Variants in TAB2 observed in about 807,000 individuals in gnomAD.
TAB2 encodes TGF-beta activated kinase 1 (MAP3K7) binding protein 2, also known as TGF-beta-activated kinase 1 and MAP3K7-binding protein 2.
In TAB2, 3 loss-of-function variants were observed where a neutral mutation model predicts 65.0. The ratio of observed to expected loss-of-function variants is 0.05; its 90% CI spans 0.02 to 0.12. The LOEUF is 0.12. Ranked by LOEUF, TAB2 falls within the 10% of genes least tolerant of loss-of-function variation. TAB2 has a pLI of 1.00. For missense variants in TAB2, 623 were observed against 840.3 expected, an observed-to-expected ratio of 0.74 and a Z score of 3.20; for synonymous variants, 298 against 285.1, an observed-to-expected ratio of 1.05 and a Z score of -0.46.
chr6:149,264,304 T>C (rs1778216628), intron 1 of TAB2, among the ~76,000 whole-genome samples: 1 of 152,164 alleles, frequency 6.6e-6, no homozygotes, highest in Non-Finnish European at 1.5e-5. Context: ...AGGGATTTAA[T>C]AAGAAGCTCC....
intron 1 of TAB2, among the ~76,000 whole-genome samples, chr6:149,225,242 CTTGAGAAG>C: frequency 6.6e-6 from 1 of 152,152 alleles, no homozygotes; most frequent in South Asian, 2.1e-4. Flanking sequence ...GTAATATCAA[CTTGAGAAG>C]TTGCTTGTAG....
intron 1 of TAB2, among the ~76,000 whole-genome samples, chr6:149,344,348 A>G (rs1289255210): frequency 3.3e-5 from 5 of 152,238 alleles, no homozygotes; most frequent in Non-Finnish European, 7.3e-5. Flanking sequence ...CTTACAGACA[A>G]GTAATATGAA....
At chr6:149,330,289 G>A (rs562535345) in intron 1 of TAB2, among the ~76,000 whole-genome samples, 9 of 152,230 alleles carry the variant, frequency 5.9e-5, no homozygotes, top group East Asian at 1.9e-4. Flanking sequence ...GTGAAAATAC[G>A]TTTTCATCTC....
upstream of TAB2, among the ~76,000 whole-genome samples, chr6:149,317,075 C>A (rs1358826384): frequency 2.0e-5 from 3 of 150,408 alleles, no homozygotes; most frequent in African/African-American, 7.3e-5. The surrounding 1 kb of genome is among the most constrained non-coding windows in gnomAD (Gnocchi z 4.7). Flanking sequence ...CCGCGCGGCG[C>A]CGCCGGCCGC....
At chr6:149,275,016 A>G (rs1343378454) in intron 1 of TAB2, among the ~76,000 whole-genome samples, 1 of 151,906 alleles carries the variant, frequency 6.6e-6, no homozygotes, top group African/African-American at 2.4e-5. Context: ...TCTCCACCCC[A>G]CTGCAGGACA....
At chr6:149,242,133 T>C (rs986746968) in intron 1 of TAB2, among the ~76,000 whole-genome samples, 1 of 152,182 alleles carries the variant, frequency 6.6e-6, no homozygotes, top group Non-Finnish European at 1.5e-5. Context: ...ATCCCACATA[T>C]GTGTATTGAA....
chr6:149,262,124 G>A (rs962735341), intron 1 of TAB2, among the ~76,000 whole-genome samples: 4 of 152,192 alleles, frequency 2.6e-5, no homozygotes, highest in Non-Finnish European at 5.9e-5. Context: ...TGAACTTTTA[G>A]CAGAGAAGTT....
At chr6:149,370,168 CTCTTTTAGGTTA>C in intron 2 of TAB2, 69 bp downstream of exon 2, 1 of 1,307,624 alleles carries the variant, frequency 7.6e-7, no homozygotes, top group Non-Finnish European at 1.1e-6. Flanking sequence ...GGAAGAAAAA[CTCTTTTAGGTTA>C]TCTTCTTGTT....
intron 1 of TAB2, among the ~76,000 whole-genome samples, chr6:149,270,587 T>C (rs1404033147): frequency 6.6e-6 from 1 of 151,188 alleles, no homozygotes; most frequent in Non-Finnish European, 1.5e-5. Context: ...TTCTACAATC[T>C]ATACATCTAT....
intron 1 of TAB2, among the ~76,000 whole-genome samples, chr6:149,328,897 T>A (rs534114018): frequency 6.6e-6 from 1 of 152,148 alleles, no homozygotes. Context: ...TGACACTTAA[T>A]CTGAGTGTAT....
chr6:149,308,528 ATTTATTTAT>A (rs1779110153), intron 1 of TAB2, among the ~76,000 whole-genome samples: 2 of 150,728 alleles, frequency 1.3e-5, no homozygotes, highest in South Asian at 4.2e-4. Flanking sequence ...TTACTTATTT[ATTTATTTAT>A]TTATTTTTGA....
intron 2 of TAB2, among the ~76,000 whole-genome samples, chr6:149,372,110 G>C (rs1271577531): frequency 6.6e-6 from 1 of 152,016 alleles, no homozygotes; most frequent in African/African-American, 2.4e-5. Flanking sequence ...TATAGTACAG[G>C]TATAGAGATT....
intron 1 of TAB2, among the ~76,000 whole-genome samples, chr6:149,319,901 G>A (rs374124396): frequency 9.2e-5 from 14 of 152,284 alleles, no homozygotes; most frequent in African/African-American, 3.4e-4. Context: ...TCATTAAGAA[G>A]TGGATAAAAT....
chr6:149,320,859 G>C (rs1054665835), intron 1 of TAB2, among the ~76,000 whole-genome samples: 6 of 152,084 alleles, frequency 3.9e-5, no homozygotes, highest in African/African-American at 1.4e-4. Context: ...TCTCTGGCCA[G>C]GTTCCCATGA....
chr6:149,228,225 T>C (rs1349321204), intron 1 of TAB2, among the ~76,000 whole-genome samples: 1 of 152,142 alleles, frequency 6.6e-6, no homozygotes, highest in Non-Finnish European at 1.5e-5. Context: ...CAACAACTTT[T>C]CTCTTAAATT....
intron 6 of TAB2, among the ~76,000 whole-genome samples, chr6:149,403,293 CACATATATATATATATATAT>C (rs1346673537): frequency 0.055 from 3,426 of 61,800 alleles, 140 homozygotes; most frequent in South Asian, 0.11. Context: ...TACACACACA[CACATATATATATATATATAT>C]ACACACACAT....
intron 4 of TAB2, 50 bp from the exon 5 acceptor site, chr6:149,397,919 A>G (rs1434262060): frequency 6.3e-7 from 1 of 1,585,572 alleles, no homozygotes; most frequent in Admixed American, 1.7e-5. Context: ...TTTATTAACT[A>G]ATGACTAAGA....
intron 1 of TAB2, among the ~76,000 whole-genome samples, chr6:149,293,722 A>G (rs571436): frequency 0.35 from 53,499 of 152,110 alleles, 9,786 homozygotes; most frequent in African/African-American, 0.46. Context: ...ATGTTCTGTT[A>G]AAGTGAAATT....
intron 1 of TAB2, among the ~76,000 whole-genome samples, chr6:149,231,748 A>G (rs1777409992): frequency 6.6e-6 from 1 of 152,230 alleles, no homozygotes; most frequent in African/African-American, 2.4e-5. Flanking sequence ...GAAAGTTGAC[A>G]GTGGGGAAGA....
Sources: gnomAD v4.1 joint callset for allele counts (sites outside exome capture counted in the v4.1 genomes callset) on GRCh38, gnomAD v4.1.1 for gene constraint, Gnocchi (gnomAD v3.1) non-coding constraint, MANE v1.5 for transcripts, NCBI Gene and HGNC (gene_info 2026-07-23, HGNC 2026-07-21) for gene names.